Variants in COL25A1 observed in about 807,000 individuals in gnomAD.
COL25A1 encodes the protein collagen alpha-1(XXV) chain.
A neutral mutation model predicts 128.4 loss-of-function variants in COL25A1; 103 were observed. The ratio of observed to expected loss-of-function variants is 0.80; its 90% CI spans 0.68 to 0.94. The LOEUF (loss-of-function observed/expected upper bound fraction) is 0.94, where lower values mean the gene tolerates loss of function less well. Among genes scored for constraint, COL25A1 ranks in the 40% least tolerant of loss-of-function variants. The probability of loss-of-function intolerance (pLI) is 0.00; values close to 1 mark genes in which losing one functional copy is unlikely to be tolerated. For synonymous variants in COL25A1, 279 were observed against 277.2 expected (o/e 1.01, Z -0.06); for missense variants, 745 against 840.0 (o/e 0.89, Z 1.40).
intron 3 of COL25A1, among the ~76,000 whole-genome samples, chr4:109,135,662 A>G (rs1213842696): frequency 6.6e-6 from 1 of 151,092 alleles, no homozygotes. Context: ...TTTTTTTCTT[A>G]ATCTTATTCT....
At chr4:108,979,940 G>A (rs1433853157) in intron 6 of COL25A1, among the ~76,000 whole-genome samples, 3 of 152,168 alleles carry the variant, frequency 2.0e-5, no homozygotes, top group South Asian at 2.1e-4. Context: ...GGAGTAAGGC[G>A]ATGGAAGATG....
intron 24 of COL25A1, among the ~76,000 whole-genome samples, chr4:108,853,225 CTTGTCAGTATAA>C (rs1736015230): frequency 6.6e-6 from 1 of 152,004 alleles, no homozygotes; most frequent in African/African-American, 2.4e-5. Flanking sequence ...ATGCTAGAGG[CTTGTCAGTATAA>C]TTGTGAACTG....
intron 3 of COL25A1, among the ~76,000 whole-genome samples, chr4:109,297,069 A>G (rs1356888531): frequency 6.6e-6 from 1 of 152,126 alleles, no homozygotes; most frequent in African/African-American, 2.4e-5. Context: ...GCTAAACCAA[A>G]TATTCTGCTA....
chr4:109,121,693 C>G, intron 3 of COL25A1, among the ~76,000 whole-genome samples: 1 of 152,044 alleles, frequency 6.6e-6, no homozygotes, highest in Non-Finnish European at 1.5e-5. Context: ...AATGATACAG[C>G]CACTTTGGAA....
chr4:108,906,172 A>G (rs1299306043), intron 13 of COL25A1, among the ~76,000 whole-genome samples: 1 of 152,074 alleles, frequency 6.6e-6, no homozygotes, highest in Non-Finnish European at 1.5e-5. Flanking sequence ...CCAGCCCCAC[A>G]TGATCTGACC....
chr4:108,843,880 CTAT>C (rs200996686), intron 30 of COL25A1, among the ~76,000 whole-genome samples: 1,267 of 109,040 alleles, frequency 0.012, 16 homozygotes, highest in African/African-American at 0.038. Flanking sequence ...TCTTTAATGG[CTAT>C]TATTACTATT....
intron 3 of COL25A1, among the ~76,000 whole-genome samples, chr4:109,286,430 T>C (rs1161116266): frequency 2.0e-5 from 3 of 152,168 alleles, no homozygotes; most frequent in African/African-American, 7.2e-5. Flanking sequence ...GGCACTATAA[T>C]GGATGCCTCC....
Position 109,272,456 on chromosome 4 carries a change from T to C in COL25A1, c.367+28127A>G, listed in dbSNP as rs549422238. Among the ~76,000 whole-genome samples, 3 of 152,252 alleles carry C rather than the reference T, an allele frequency of 2.0e-5. No homozygotes were observed. In the East Asian group the frequency reaches 5.8e-4, roughly 29 times the overall value. The stretch of plus-strand genomic sequence containing the variant: ...GAAATCATTTAATCCAATTCCCTCA[T>C]GTAATGGGTATAGAACAGAGGGAAT... On this transcript the variant is annotated intron_variant, in intron 3 of 37. Coordinates refer to ENST00000399132, the MANE Select transcript of COL25A1 (RefSeq NM_198721.4).
chr4:109,100,588 T>C (rs1217647413), intron 3 of COL25A1, among the ~76,000 whole-genome samples: 1 of 152,160 alleles, frequency 6.6e-6, no homozygotes, highest in Non-Finnish European at 1.5e-5. Flanking sequence ...ATTCATATTA[T>C]CTAAATTTTT....
intron 3 of COL25A1, among the ~76,000 whole-genome samples, chr4:109,083,441 T>TAA (rs1764030251): frequency 8.0e-6 from 1 of 125,102 alleles, no homozygotes; most frequent in African/African-American, 3.1e-5. Flanking sequence ...ACTTTTACAC[T>TAA]AAATAAATTT....
At chr4:109,093,120 G>A (rs987277772) in intron 3 of COL25A1, among the ~76,000 whole-genome samples, 6 of 151,970 alleles carry the variant, frequency 3.9e-5, no homozygotes, top group African/African-American at 1.5e-4. Context: ...TCTTAAACCC[G>A]GAGATCTTCC....
In COL25A1 at chr4:108,824,179, C is replaced by T. The variant is rs1368562033; in HGVS notation, c.1840G>A (p.Glu614Lys). The stretch of plus-strand genomic sequence containing the variant: ...TGCTGGGATGGAGAGGTCACCTTTT[C>T]TCCCTTTTCTCCTAGATCACCCTTC... ...GEKGDLGEKGEKGFRGVKGEK... is the reference protein window; with the variant it reads ...GEKGDLGEKGKKGFRGVKGEK... Residue 614 changes from glutamate (E) to lysine (K), a missense_variant, in exon 35 of 38, where the codon GAA becomes AAA. This residue lies in a region of COL25A1 where 387 missense variants were observed against 441.9 expected (regional missense o/e 0.88). Transcript: ENST00000399132. 8.1e-6 allele frequency: 13 copies of T among 1,613,862 alleles called. No homozygotes were observed. The highest frequency in any genetic ancestry group is 1.3e-5 in the African/African-American group (1 of 74,900).
At chr4:109,276,635 C>T (rs546454852) in intron 3 of COL25A1, among the ~76,000 whole-genome samples, 13 of 152,060 alleles carry the variant, frequency 8.5e-5, no homozygotes, top group Non-Finnish European at 1.0e-4. Flanking sequence ...AGGGTTTTAG[C>T]GGCTGGTGTC....
At chr4:109,274,787 A>G (rs11737104) in intron 3 of COL25A1, among the ~76,000 whole-genome samples, 36,750 of 152,050 alleles carry the variant, frequency 0.24, 4,779 homozygotes, top group Middle Eastern at 0.3. Context: ...GATATTTAAT[A>G]GCCTGGTACG....
At chr4:108,846,911 T>TC in intron 27 of COL25A1, among the ~76,000 whole-genome samples, 1 of 150,788 alleles carries the variant, frequency 6.6e-6, no homozygotes, top group East Asian at 1.9e-4. Flanking sequence ...TGTAATTTTT[T>TC]TTTTTTTTTT....
At chr4:109,071,337 A>G (rs542283658) in intron 3 of COL25A1, among the ~76,000 whole-genome samples, 1 of 152,306 alleles carries the variant, frequency 6.6e-6, no homozygotes, top group Non-Finnish European at 1.5e-5. Flanking sequence ...CTAAAACCAT[A>G]AAAACCCTAG....
At chr4:109,249,077 A>G (rs1029185984) in intron 3 of COL25A1, among the ~76,000 whole-genome samples, 4 of 152,232 alleles carry the variant, frequency 2.6e-5, no homozygotes, top group African/African-American at 7.2e-5. Flanking sequence ...GACACTGTCC[A>G]GGAATGTCTT....
At chr4:108,977,822 C>T (rs1339448837) in intron 6 of COL25A1, among the ~76,000 whole-genome samples, 1 of 152,188 alleles carries the variant, frequency 6.6e-6, no homozygotes, top group East Asian at 1.9e-4. Flanking sequence ...CTACAAAACT[C>T]AGCTACATCA....
chr4:108,836,217 T>C (rs1444334707), intron 31 of COL25A1, among the ~76,000 whole-genome samples: 1 of 152,110 alleles, frequency 6.6e-6, no homozygotes, highest in Admixed American at 6.5e-5. Flanking sequence ...ATATATATTG[T>C]TGTTCATTTG....
Sources: allele counts gnomAD v4.1 joint callset (sites outside exome capture counted in the v4.1 genomes callset), GRCh38; gene constraint gnomAD v4.1.1; regional missense constraint gnomAD v4.1.1; transcripts MANE v1.5; gene names NCBI Gene and HGNC (gene_info 2026-07-23, HGNC 2026-07-21).